The following GNG10 variants were observed in gnomAD, a reference collection of about 807,000 sequenced individuals.
The protein encoded by GNG10 is guanine nucleotide-binding protein G(I)/G(S)/G(O) subunit gamma-10.
In GNG10, 7 loss-of-function variants were observed where a neutral mutation model predicts 6.8. That is an observed-to-expected ratio of 1.02 (90% CI 0.58 to 1.92). The LOEUF (loss-of-function observed/expected upper bound fraction) is 1.92. GNG10 is among the 30% of genes most tolerant of loss of function. The probability of loss-of-function intolerance (pLI) is 0.00; values close to 1 mark genes in which losing one functional copy is unlikely to be tolerated. For synonymous variants in GNG10, 28 were observed against 34.8 expected, an observed-to-expected ratio of 0.80 and a Z score of 0.69; for missense variants, 57 against 86.1, an observed-to-expected ratio of 0.66 and a Z score of 1.34.
chr9:111,663,025 G>C (rs964387), intron 1 of GNG10, among the ~76,000 whole-genome samples: 12,687 of 150,420 alleles, frequency 0.084, 712 homozygotes, highest in African/African-American at 0.16. Flanking sequence ...ACAGGGCTAC[G>C]GGGGGGTGGG....
intron 2 of GNG10, 117 bp from the exon 3 acceptor site, chr9:111,669,152 C>A (rs1830960364): frequency 6.6e-6 from 1 of 152,226 alleles, no homozygotes; most frequent in South Asian, 2.1e-4. Context: ...AGCCACCGCG[C>A]CTAGCTCACC....
intron 1 of GNG10, among the ~76,000 whole-genome samples, chr9:111,662,243 TC>T (rs1231620109): frequency 6.6e-6 from 1 of 151,988 alleles, no homozygotes; most frequent in Non-Finnish European, 1.5e-5. Flanking sequence ...CGGGGAGTCA[TC>T]CGGGAGGTAT....
Position 111,661,729 on chromosome 9 carries a change from G to A in GNG10, c.81+14G>A. 7.5e-7 allele frequency: 1 copy of A among 1,325,008 alleles called. No homozygotes were observed. Among genetic ancestry groups the A allele is most frequent in the Non-Finnish European group, 9.9e-7 (1 of 1,014,228 alleles). The allele number at this position is 1,325,008 out of a possible 1,614,324, so 82.1% of individuals were successfully genotyped here. On this transcript the variant is annotated intron_variant, in intron 1 of 2. Coordinates refer to ENST00000374293, the MANE Select transcript of GNG10 (RefSeq NM_001017998.4). This position sits in a 1 kb window ranked among gnomAD's most constrained non-coding sequence, Gnocchi z 6.1. Reference sequence around the variant, plus strand: ...GAGAGGATCAAGGTGCGGGCCCCGGGTACCCACGCTCCGGTCCTTCCGCCC... The same window carrying A: ...GAGAGGATCAAGGTGCGGGCCCCGGATACCCACGCTCCGGTCCTTCCGCCC...
intron 1 of GNG10, among the ~76,000 whole-genome samples, chr9:111,663,791 G>T (rs532226149): frequency 1.1e-4 from 17 of 151,040 alleles, no homozygotes; most frequent in African/African-American, 3.4e-4. Context: ...CTGTCTACCC[G>T]CCAAGTAGCT....
chr9:111,665,089 AGC>A (rs1193791479), intron 1 of GNG10, among the ~76,000 whole-genome samples: 1 of 152,204 alleles, frequency 6.6e-6, no homozygotes, highest in African/African-American at 2.4e-5. Flanking sequence ...GAAACTTGGT[AGC>A]AATTGTAACA....
intron 1 of GNG10, among the ~76,000 whole-genome samples, chr9:111,665,680 C>G (rs1371782683): frequency 6.6e-6 from 1 of 152,090 alleles, no homozygotes; most frequent in Non-Finnish European, 1.5e-5. Flanking sequence ...GGAACTTGCC[C>G]TTTATTTCTA....
intron 1 of GNG10, among the ~76,000 whole-genome samples, chr9:111,663,876 A>C (rs911818852): frequency 1.3e-5 from 2 of 151,168 alleles, no homozygotes; most frequent in East Asian, 3.9e-4. Flanking sequence ...GTTGGAGTGC[A>C]ATGGCATGAT....
intron 2 of GNG10, among the ~76,000 whole-genome samples, chr9:111,667,868 C>A (rs1042234801): frequency 1.3e-5 from 2 of 152,112 alleles, no homozygotes; most frequent in African/African-American, 2.4e-5. Flanking sequence ...GTGTTTCCCC[C>A]CTCATCGCCG....
chr9:111,664,357 C>A (rs899854559), intron 1 of GNG10, among the ~76,000 whole-genome samples: 4 of 152,152 alleles, frequency 2.6e-5, no homozygotes, highest in African/African-American at 9.7e-5. Context: ...ACCTCACATC[C>A]TCATTCATTG....
rs1019402217 is a variant in GNG10 at position 111,669,713 on chromosome 9, T to C, written c.*451T>C. The C allele has an allele frequency of 1.0e-5, 1 of 96,176 alleles. No individual in the cohort carries two copies. Among genetic ancestry groups the C allele is most frequent in the Middle Eastern group, 3.7e-3 (1 of 272 alleles). The allele number at this position is 96,176 out of a possible 1,614,324, so 6.0% of individuals were successfully genotyped here. A position where few individuals can be genotyped will look rare whatever the true frequency, so the allele number is the denominator to read the frequency against. ...GAAGTTATTTATTCCATAAAAAATT[T>C]GTTCTTTTGTCATGAATTTATAATT... On this transcript the variant is annotated 3_prime_UTR_variant, in exon 3 of 3. Coordinates refer to ENST00000374293, the MANE Select transcript of GNG10 (RefSeq NM_001017998.4).
At chr9:111,668,518 T>C in intron 2 of GNG10, among the ~76,000 whole-genome samples, 1 of 145,338 alleles carries the variant, frequency 6.9e-6, no homozygotes, top group Non-Finnish European at 1.5e-5. Flanking sequence ...GGAGTCTCAC[T>C]CTGTCACCCA....
Position 111,661,746 on chromosome 9 carries a change from CT to C in GNG10, c.81+33del. ...GGCCCCGGGTACCCACGCTCCGGTC[CT>C]TCCGCCCGCGGGGCGTGAGAAGAGG... is the stretch of plus-strand genomic sequence containing the variant. On this transcript the variant is annotated intron_variant, in intron 1 of 2. Coordinates refer to ENST00000374293, the MANE Select transcript of GNG10 (RefSeq NM_001017998.4). The surrounding 1 kb of genome is among the most constrained non-coding windows in gnomAD (Gnocchi z 6.1). 1 of 1,253,674 alleles carries C rather than the reference CT, an allele frequency of 8.0e-7. No individual in the cohort carries two copies. Among genetic ancestry groups the C allele is most frequent in the Non-Finnish European group, 1.0e-6 (1 of 967,982 alleles). The allele number at this position is 1,253,674 out of a possible 1,614,324, so 77.7% of individuals were successfully genotyped here. A position where few individuals can be genotyped will look rare whatever the true frequency, so the allele number is the denominator to read the frequency against.
chr9:111,665,240 A>T (rs1049315861), intron 1 of GNG10, among the ~76,000 whole-genome samples: 12 of 152,104 alleles, frequency 7.9e-5, no homozygotes, highest in Non-Finnish European at 1.5e-4. Flanking sequence ...AAAAAAAAAA[A>T]GTACAATGAG....
chr9:111,667,013 AG>A, intron 2 of GNG10, 67 bp downstream of exon 2: 1 of 1,569,256 alleles, frequency 6.4e-7, no homozygotes, highest in Non-Finnish European at 8.6e-7. Context: ...AAAGGACTTG[AG>A]CAACTGAGTT....
chr9:111,662,799 G>C (rs1830843670), intron 1 of GNG10, among the ~76,000 whole-genome samples: 1 of 152,212 alleles, frequency 6.6e-6, no homozygotes, highest in Non-Finnish European at 1.5e-5. Context: ...GAATGCAGAG[G>C]TCTGGTGGCT....
intron 2 of GNG10, among the ~76,000 whole-genome samples, chr9:111,668,984 G>C (rs1830957035): frequency 6.6e-6 from 1 of 152,050 alleles, no homozygotes; most frequent in Non-Finnish European, 1.5e-5. Context: ...AGCCTCACTA[G>C]TAGCTGGGAT....
chr9:111,665,221 T>A lies in GNG10; in HGVS notation c.82-1594T>A, dbSNP rs527559900. On this transcript the variant is annotated intron_variant, in intron 1 of 2. Transcript: ENST00000374293. ...ATGGGTGAATTGTATTCAAAATGCCTTTTAATGCAAAAAAAAAAAGTACAA... is the reference window on the plus strand; with the variant it reads ...ATGGGTGAATTGTATTCAAAATGCCATTTAATGCAAAAAAAAAAAGTACAA... Among the ~76,000 whole-genome samples the A allele has an allele frequency of 7.9e-5, 12 of 151,934 alleles. No individual in the cohort carries two copies. The South Asian group carries it at 2.3e-3, about 29-fold the overall frequency.
intron 1 of GNG10, among the ~76,000 whole-genome samples, chr9:111,664,555 C>CT (rs2131280194): frequency 6.6e-6 from 1 of 152,252 alleles, no homozygotes; most frequent in Admixed American, 6.5e-5. Context: ...TAAACATGGG[C>CT]TCAAACCAAG....
At chr9:111,666,392 T>C (rs775096707) in intron 1 of GNG10, among the ~76,000 whole-genome samples, 2 of 152,202 alleles carry the variant, frequency 1.3e-5, no homozygotes, top group Non-Finnish European at 2.9e-5. Flanking sequence ...ACTTTATCAC[T>C]TGTTTGGAGC....
Sources: allele counts gnomAD v4.1 joint callset (sites outside exome capture counted in the v4.1 genomes callset), GRCh38; gene constraint gnomAD v4.1.1; non-coding constraint Gnocchi (gnomAD v3.1); transcripts MANE v1.5; gene names NCBI Gene and HGNC (gene_info 2026-07-23, HGNC 2026-07-21).